RIN2: variants seen among roughly 807,000 people sequenced by gnomAD.
RIN2 encodes the protein Ras and Rab interactor 2.
A neutral mutation model predicts 78.0 loss-of-function variants in RIN2; 36 were observed. That is an observed-to-expected ratio of 0.46 (90% CI 0.35 to 0.61). The LOEUF is 0.61. Among genes scored for constraint, RIN2 ranks in the 20% least tolerant of loss-of-function variants. RIN2 has a pLI of 0.00. For missense variants in RIN2, 1,087 were observed against 1,159.7 expected, an observed-to-expected ratio of 0.94 and a Z score of 0.91; for synonymous variants, 466 against 466.8, an observed-to-expected ratio of 1.00 and a Z score of 0.02.
At chr20:19,998,031 A>G (rs962893338) in intron 12 of RIN2, among the ~76,000 whole-genome samples, 1 of 150,026 alleles carries the variant, frequency 6.7e-6, no homozygotes, top group Non-Finnish European at 1.5e-5. Context: ...GCTGGAGTGC[A>G]GTGGTGGCAC....
intron 4 of RIN2, among the ~76,000 whole-genome samples, chr20:19,944,158 T>C (rs1046831312): frequency 6.6e-6 from 1 of 152,148 alleles, no homozygotes; most frequent in Non-Finnish European, 1.5e-5. Flanking sequence ...GTGTATGTCT[T>C]TAACACAAAT....
At chr20:19,825,182 A>T (rs2036051579) in intron 2 of RIN2, among the ~76,000 whole-genome samples, 1 of 151,830 alleles carries the variant, frequency 6.6e-6, no homozygotes, top group South Asian at 2.1e-4. Flanking sequence ...TCCATACAAG[A>T]CCCTCCCTAT....
Position 19,931,647 on chromosome 20 carries a change from G to T in RIN2, c.58-3452G>T, listed in dbSNP as rs368363013. ...TATCCATCCATGTATCTTTTTCCTTGTGTTGGGAACGTTTGCATGGTTTTA... is the reference window on the plus strand; with the variant it reads ...TATCCATCCATGTATCTTTTTCCTTTTGTTGGGAACGTTTGCATGGTTTTA... On this transcript the variant is annotated intron_variant, in intron 3 of 12. Coordinates refer to ENST00000255006, the MANE Select transcript of RIN2 (RefSeq NM_018993.4). Among the ~76,000 whole-genome samples, 64 of 150,420 alleles carry T rather than the reference G, an allele frequency of 4.3e-4. 1 individual carries two copies. In the South Asian group the frequency reaches 0.013, roughly 31 times the overall value.
intron 1 of RIN2, among the ~76,000 whole-genome samples, chr20:19,785,708 C>T (rs1204208780): frequency 6.6e-6 from 1 of 152,082 alleles, no homozygotes; most frequent in Admixed American, 6.5e-5. Flanking sequence ...TAGGAAATAC[C>T]CAAATACTTT....
At chr20:19,920,358 C>T (rs1184191159) in intron 3 of RIN2, among the ~76,000 whole-genome samples, 2 of 150,974 alleles carry the variant, frequency 1.3e-5, no homozygotes, top group Admixed American at 6.6e-5. Flanking sequence ...TCACTTATTA[C>T]TGAACCTAAA....
chr20:19,947,531 G>A (rs953392649), intron 4 of RIN2, among the ~76,000 whole-genome samples: 1 of 152,076 alleles, frequency 6.6e-6, no homozygotes, highest in Non-Finnish European at 1.5e-5. Context: ...TATGGAACCT[G>A]AGTTCTGCTT....
chr20:19,970,885 C>T lies in RIN2; in HGVS notation c.584C>T (p.Ala195Val), dbSNP rs2042082995. 1 of 1,613,600 alleles carries T rather than the reference C, an allele frequency of 6.2e-7. No individual in the cohort carries two copies. The highest frequency in any genetic ancestry group is 1.3e-5 in the African/African-American group (1 of 74,932). ...TLKLPYAIST[A>V]KSEAQLEELA... ...AAGTTGCCTTATGCCATTTCAACAG[C>T]CAAGTCGGAGGCTCAGCTTGAAGAA... The change falls in exon 8 of 13, where the codon GCC (alanine) becomes GTC (valine). Residue 195 changes from alanine (A) to valine (V), a missense_variant. Physicochemically the swap from Ala to Val is moderately conservative, Grantham distance 64 (BLOSUM62 0). This residue lies in a region of RIN2 where 706 missense variants were observed against 667.5 expected (regional missense o/e 1.06). Coordinates refer to ENST00000255006, the MANE Select transcript of RIN2 (RefSeq NM_018993.4).
At chr20:19,929,464 C>G (rs906346624) in intron 3 of RIN2, among the ~76,000 whole-genome samples, 1 of 152,102 alleles carries the variant, frequency 6.6e-6, no homozygotes, top group African/African-American at 2.4e-5. Context: ...CGGGTTCAAG[C>G]GATTCTCCTC....
intron 4 of RIN2, among the ~76,000 whole-genome samples, chr20:19,937,994 G>A (rs375660282): frequency 1.3e-5 from 2 of 152,146 alleles, no homozygotes; most frequent in African/African-American, 2.4e-5. Context: ...CCCACCTCCC[G>A]TCCTGTCTCC....
intron 2 of RIN2, among the ~76,000 whole-genome samples, chr20:19,875,374 C>T (rs972769854): frequency 2.6e-5 from 4 of 151,980 alleles, no homozygotes; most frequent in South Asian, 4.2e-4. Flanking sequence ...ACCATGTTGG[C>T]GAGGCTGGTC....
intron 2 of RIN2, among the ~76,000 whole-genome samples, chr20:19,819,980 T>C (rs2035880975): frequency 6.6e-6 from 1 of 152,168 alleles, no homozygotes; most frequent in Admixed American, 6.5e-5. Context: ...CAAATGCAAA[T>C]AAAAACTCAA....
chr20:19,867,907 C>T (rs1055585234), intron 2 of RIN2, among the ~76,000 whole-genome samples: 24 of 152,194 alleles, frequency 1.6e-4, no homozygotes, highest in African/African-American at 4.6e-4. Flanking sequence ...CTGGGTGAGC[C>T]GGCCTGCTCT....
chr20:19,978,537 A>C (rs1466227667), intron 9 of RIN2, among the ~76,000 whole-genome samples: 2 of 152,210 alleles, frequency 1.3e-5, no homozygotes, highest in Admixed American at 1.3e-4. Flanking sequence ...GCAAATGATA[A>C]ACAGTGAATC....
chr20:19,981,415 T>C (rs2042449656), intron 9 of RIN2, among the ~76,000 whole-genome samples: 1 of 152,168 alleles, frequency 6.6e-6, no homozygotes, highest in Non-Finnish European at 1.5e-5. Context: ...CTTTCCATAC[T>C]CTGTTCTTTG....
chr20:19,779,126 G>T (rs1310187500), intron 1 of RIN2, among the ~76,000 whole-genome samples: 1 of 152,174 alleles, frequency 6.6e-6, no homozygotes, highest in Non-Finnish European at 1.5e-5. Context: ...CTGTAAAAAG[G>T]AGACTGAGCC....
rs989230787 is a variant in RIN2, at chr20:19,996,758, C to T, written c.2280C>T (p.Leu760=). ...NFQEEQAARL[L]SSETRDTLRQ... ...AAGAAGAACAAGCAGCGCGACTGCT[C>T]AGCTCAGAAACCAGAGACACCCTGA... Residue 760 remains leucine, a synonymous_variant, in exon 12 of 13, where the codon CTC becomes CTT. Coordinates refer to ENST00000255006, the MANE Select transcript of RIN2 (RefSeq NM_018993.4). 6.2e-7 allele frequency: 1 copy of T among 1,613,362 alleles called. No individual in the cohort carries two copies. The highest frequency in any genetic ancestry group is 8.5e-7 in the Non-Finnish European group (1 of 1,179,654).
intron 2 of RIN2, among the ~76,000 whole-genome samples, chr20:19,869,709 C>T (rs1282847097): frequency 2.0e-5 from 3 of 151,624 alleles, no homozygotes; most frequent in African/African-American, 7.3e-5. Context: ...ACTGCAGCCT[C>T]GAACTCCTAG....
chr20:19,881,530 T>C (rs1206280386), intron 2 of RIN2, among the ~76,000 whole-genome samples: 1 of 152,228 alleles, frequency 6.6e-6, no homozygotes. Flanking sequence ...TTTTCCTTCA[T>C]AGCACTGGTT....
chr20:19,911,158 C>A (rs1326537234), intron 3 of RIN2, among the ~76,000 whole-genome samples: 2 of 152,084 alleles, frequency 1.3e-5, no homozygotes, highest in Non-Finnish European at 2.9e-5. Flanking sequence ...TCAAGCAATT[C>A]TCCTGCCTCA....
Sources: gnomAD v4.1 joint callset for allele counts (sites outside exome capture counted in the v4.1 genomes callset) on GRCh38, gnomAD v4.1.1 for gene constraint, gnomAD v4.1.1 regional missense constraint, MANE v1.5 for transcripts, NCBI Gene and HGNC (gene_info 2026-07-23, HGNC 2026-07-21) for gene names.